Variants in ST3GAL3 observed in about 807,000 individuals in gnomAD.
The protein encoded by ST3GAL3 is CMP-N-acetylneuraminate-beta-1,4-galactoside alpha-2,3-sialyltransferase.
A neutral mutation model predicts 50.1 loss-of-function variants in ST3GAL3; 21 were observed. That is an observed-to-expected ratio of 0.42 (90% CI 0.30 to 0.60). The LOEUF (loss-of-function observed/expected upper bound fraction) is 0.60. Ranked by LOEUF, ST3GAL3 falls within the 20% of genes least tolerant of loss-of-function variation. The pLI is 0.19. For missense variants in ST3GAL3, 353 were observed against 489.4 expected (o/e 0.72, Z 2.63); for synonymous variants, 183 against 190.0 (o/e 0.96, Z 0.30).
At chr1:43,746,383 T>A (rs1224436150) in intron 2 of ST3GAL3, among the ~76,000 whole-genome samples, 6 of 152,132 alleles carry the variant, frequency 3.9e-5, no homozygotes, top group Non-Finnish European at 7.4e-5. Context: ...TGAAAAGAGT[T>A]CTAGGGCTGC....
intron 5 of ST3GAL3, 94 bp from the exon 6 acceptor site, chr1:43,894,289 A>G: frequency 8.1e-7 from 1 of 1,241,408 alleles, no homozygotes; most frequent in Non-Finnish European, 1.2e-6. Context: ...GGGGGCTTCC[A>G]GCAGATCCTT....
intron 2 of ST3GAL3, among the ~76,000 whole-genome samples, chr1:43,778,408 AC>A (rs943384543): frequency 2.6e-4 from 40 of 152,316 alleles, no homozygotes; most frequent in African/African-American, 9.4e-4. Context: ...CTGCAGATGT[AC>A]CCCAGAACTT....
chr1:43,766,419 TAAGTA>T (rs939203668), intron 2 of ST3GAL3, among the ~76,000 whole-genome samples: 5 of 151,754 alleles, frequency 3.3e-5, no homozygotes, highest in African/African-American at 1.2e-4. Flanking sequence ...TAAAAAAAAA[TAAGTA>T]AATAAATAAG....
chr1:43,712,309 G>A (rs1236219099), intron 1 of ST3GAL3, among the ~76,000 whole-genome samples: 3 of 152,266 alleles, frequency 2.0e-5, no homozygotes, highest in African/African-American at 7.2e-5. Flanking sequence ...GGTTCCCCTG[G>A]ATTTCCCCAC....
At chr1:43,760,670 C>A (rs1295417605) in intron 2 of ST3GAL3, among the ~76,000 whole-genome samples, 2 of 151,962 alleles carry the variant, frequency 1.3e-5, no homozygotes, top group African/African-American at 2.4e-5. Flanking sequence ...GCAGGAGAAT[C>A]GCTTGAACTC....
chr1:43,754,810 T>C (rs1470639003), intron 2 of ST3GAL3, among the ~76,000 whole-genome samples: 1 of 151,882 alleles, frequency 6.6e-6, no homozygotes, highest in Non-Finnish European at 1.5e-5. Context: ...ATTAGCTGAG[T>C]GTAGTGGTGT....
At position 43,921,778 on chromosome 1, in the gene ST3GAL3, C is replaced by G. The variant is rs1259217117; in HGVS notation, c.1038+850C>G. The G allele has an allele frequency of 1.3e-5, 5 of 398,768 alleles. 1 individual carries two copies. The highest frequency in any genetic ancestry group is 2.1e-5 in the African/African-American group (1 of 48,628). 24.7% of individuals were successfully genotyped at this position (398,768 alleles called of 1,614,324 possible). A position where few individuals can be genotyped will look rare whatever the true frequency, so the allele number is the denominator to read the frequency against. ...CCCTCTTCCAGTGAAGAAACTGAAG[C>G]CACAGAGGGGACTCTGATCTGTCGG... On this transcript the variant is annotated intron_variant, in intron 11 of 11. Transcript: ENST00000347631.
chr1:43,908,833 T>C (rs989155660), intron 9 of ST3GAL3, among the ~76,000 whole-genome samples: 1 of 152,178 alleles, frequency 6.6e-6, no homozygotes, highest in African/African-American at 2.4e-5. Flanking sequence ...GGTTTCGCCA[T>C]GTTGGCCAGG....
intron 4 of ST3GAL3, among the ~76,000 whole-genome samples, chr1:43,825,307 A>G (rs748281471): frequency 2.6e-5 from 4 of 152,342 alleles, no homozygotes; most frequent in Admixed American, 1.3e-4. Context: ...ATGAAAAAAT[A>G]TATTTGGATG....
At chr1:43,708,325 C>T (rs963692852) in intron 1 of ST3GAL3, among the ~76,000 whole-genome samples, 4 of 152,168 alleles carry the variant, frequency 2.6e-5, no homozygotes, top group Non-Finnish European at 5.9e-5. Context: ...CCTCAGTAAG[C>T]CTCATTTATG....
chr1:43,920,341 C>T, intron 9 of ST3GAL3, 63 bp from the exon 10 acceptor site: 2 of 1,611,008 alleles, frequency 1.2e-6, no homozygotes, highest in Non-Finnish European at 1.7e-6. Flanking sequence ...GGGTCCCTGC[C>T]ACTCCCCTAG....
intron 1 of ST3GAL3, among the ~76,000 whole-genome samples, chr1:43,730,519 A>G (rs1422634206): frequency 6.7e-6 from 1 of 148,230 alleles, no homozygotes; most frequent in Non-Finnish European, 1.5e-5. Flanking sequence ...AGTTAGAAAT[A>G]CAAGTTTCTG....
chr1:43,815,090 C>T, intron 4 of ST3GAL3, 157 bp downstream of exon 4: 1 of 791,462 alleles, frequency 1.3e-6, no homozygotes, highest in Non-Finnish European at 2.2e-6. Context: ...GGGCATGTTA[C>T]AGTCTGCAGC....
intron 3 of ST3GAL3, among the ~76,000 whole-genome samples, chr1:43,813,384 T>G (rs1012958043): frequency 4.5e-4 from 68 of 152,244 alleles, no homozygotes; most frequent in African/African-American, 1.6e-3. Context: ...TTTCGTTTTA[T>G]TTTATATTTA....
intron 9 of ST3GAL3, among the ~76,000 whole-genome samples, chr1:43,907,677 C>T (rs895102691): frequency 2.0e-5 from 3 of 152,202 alleles, no homozygotes; most frequent in Non-Finnish European, 4.4e-5. Context: ...CTCTGCCATT[C>T]ATGGTCAGTT....
chr1:43,768,693 A>C (rs1694014505), intron 2 of ST3GAL3, among the ~76,000 whole-genome samples: 1 of 152,188 alleles, frequency 6.6e-6, no homozygotes, highest in Non-Finnish European at 1.5e-5. Flanking sequence ...ACTAAAACTG[A>C]CTCAAGACAT....
At chr1:43,744,559 A>G (rs1390901938) in intron 2 of ST3GAL3, among the ~76,000 whole-genome samples, 1 of 151,858 alleles carries the variant, frequency 6.6e-6, no homozygotes, top group Non-Finnish European at 1.5e-5. Flanking sequence ...TTCTTTAAAT[A>G]AACTTCTCGT....
intron 9 of ST3GAL3, among the ~76,000 whole-genome samples, chr1:43,910,889 G>A (rs1365435261): frequency 6.6e-6 from 1 of 152,170 alleles, no homozygotes; most frequent in African/African-American, 2.4e-5. Context: ...CCTTTGCCGT[G>A]GAGTGAAGAG....
intron 5 of ST3GAL3, chr1:43,879,462 G>A (rs1328418979): frequency 2.2e-6 from 1 of 455,428 alleles, no homozygotes; most frequent in Non-Finnish European, 4.4e-6. Flanking sequence ...CCATCATAGT[G>A]GTCCAGAAAT....
Sources: gnomAD v4.1 joint callset for allele counts (sites outside exome capture counted in the v4.1 genomes callset) on GRCh38, gnomAD v4.1.1 for gene constraint, MANE v1.5 for transcripts, NCBI Gene and HGNC (gene_info 2026-07-23, HGNC 2026-07-21) for gene names.